DNASE2: variants seen among roughly 807,000 people sequenced by gnomAD.
The protein encoded by DNASE2 is deoxyribonuclease-2-alpha.
In DNASE2, 26 loss-of-function variants were observed where a neutral mutation model predicts 29.8. The observed-to-expected ratio is 0.87, with a 90% CI of 0.64 to 1.21. The LOEUF is 1.21. Among genes scored for constraint, DNASE2 ranks in the 50% most tolerant of loss-of-function variants. The probability of loss-of-function intolerance (pLI) is 0.00; values close to 1 mark genes in which losing one functional copy is unlikely to be tolerated. For synonymous variants in DNASE2, 186 were observed against 193.5 expected (o/e 0.96, Z 0.32); for missense variants, 415 against 455.6 (o/e 0.91, Z 0.81).
rs1419697829 is a variant in DNASE2, at chr19:12,878,460, A to G, written c.631T>C (p.Trp211Arg). Residue 211 changes from tryptophan (W) to arginine (R), a missense_variant, in exon 5 of 6, where the codon TGG (tryptophan) becomes CGG (arginine). Coordinates refer to ENST00000222219, the MANE Select transcript of DNASE2 (RefSeq NM_001375.3). ...VKGHHVSQEP[W>R]NSSITLTSQA... ...GATGTGAGTGTGATGCTGCTGTTCCAGGGTTCTTGGCTAACGTGGTGGCCC... is the reference window on the plus strand; with the variant it reads ...GATGTGAGTGTGATGCTGCTGTTCCGGGGTTCTTGGCTAACGTGGTGGCCC... 3 of 1,613,988 alleles carry G rather than the reference A, an allele frequency of 1.9e-6. No homozygotes were observed.
At position 12,876,058 on chromosome 19, in the gene DNASE2, G is replaced by T. The variant is rs1465601044; in HGVS notation, c.1015C>A (p.Pro339Thr). 6 of 1,614,048 alleles carry T rather than the reference G, an allele frequency of 3.7e-6. No individual in the cohort carries two copies. The highest frequency in any genetic ancestry group is 5.1e-6 in the Non-Finnish European group (6 of 1,180,010). Residue 339 changes from proline to threonine, a missense_variant, in exon 6 of 6, where the codon CCG becomes ACG. Coordinates refer to ENST00000222219, the MANE Select transcript of DNASE2 (RefSeq NM_001375.3). ...QLPALWKAFQ[P>T]LVKNYQPCNG... ...CAGGGCTGGTAGTTCTTCACCAGCGGCTGGAAGGCTTTCCAGAGGGCTGGC... is the reference window on the plus strand; with the variant it reads ...CAGGGCTGGTAGTTCTTCACCAGCGTCTGGAAGGCTTTCCAGAGGGCTGGC...
Position 12,876,077 on chromosome 19 carries a change from G to A in DNASE2, c.996C>T (p.Ala332=), listed in dbSNP as rs377651591. 14 of 1,613,834 alleles carry A rather than the reference G, an allele frequency of 8.7e-6. No homozygotes were observed. The highest frequency in any genetic ancestry group is 7.7e-5 in the South Asian group (7 of 91,086). The change falls in exon 6 of 6, where the codon GCC becomes GCT. Residue 332 remains alanine, a synonymous_variant. Transcript: ENST00000222219. ...GGGTLCAQLP[A]LWKAFQPLVK... ...CCAGCGGCTGGAAGGCTTTCCAGAGGGCTGGCAGCTGGGCACACAGTGTGC... is the reference window on the plus strand; with the variant it reads ...CCAGCGGCTGGAAGGCTTTCCAGAGAGCTGGCAGCTGGGCACACAGTGTGC...
intron 5 of DNASE2, 83 bp downstream of exon 5, chr19:12,878,299 C>T (rs538726271): frequency 1.2e-5 from 19 of 1,541,600 alleles, no homozygotes; most frequent in South Asian, 2.2e-5. Flanking sequence ...TGGTCTCTAC[C>T]GCTGACTTGA....
chr19:12,879,164 A>G (rs1970351861), intron 3 of DNASE2, among the ~76,000 whole-genome samples: 1 of 144,504 alleles, frequency 6.9e-6, no homozygotes, highest in African/African-American at 2.8e-5. Context: ...GTAAGTAAGT[A>G]AATAAATAAA....
Position 12,881,275 on chromosome 19 carries a change from C to T in DNASE2, c.86+15G>A. ...GGACCCCGGGGCGATGGTAGGCCCC[C>T]CGCTGCGCACTCACCAGTCTACAGG... On this transcript the variant is annotated intron_variant, in intron 1 of 5. Transcript: ENST00000222219. 1 of 1,580,652 alleles carries T rather than the reference C, an allele frequency of 6.3e-7. No individual in the cohort carries two copies. Among genetic ancestry groups the T allele is most frequent in the Non-Finnish European group, 8.6e-7 (1 of 1,164,172 alleles).
intron 4 of DNASE2, 33 bp from the exon 5 acceptor site, chr19:12,878,612 C>T (rs1016647190): frequency 1.1e-5 from 18 of 1,613,848 alleles, no homozygotes; most frequent in Middle Eastern, 1.7e-4. Flanking sequence ...AATGCAAGAT[C>T]GTTCCAGGTT....
At chr19:12,880,521 G>C (rs971060578) in intron 3 of DNASE2, among the ~76,000 whole-genome samples, 1 of 152,008 alleles carries the variant, frequency 6.6e-6, no homozygotes, top group Admixed American at 6.6e-5. Flanking sequence ...AGCCTGGTGT[G>C]ATGGTGCGCC....
At position 12,876,779 on chromosome 19, in the gene DNASE2, G is replaced by A. The variant is rs556242240; in HGVS notation, c.710-416C>T. On this transcript the variant is annotated intron_variant, in intron 5 of 5. Coordinates refer to ENST00000222219, the MANE Select transcript of DNASE2 (RefSeq NM_001375.3). ...AGTTTCCATATTTCTGAGCTCAGTT[G>A]TCAATTCCCAGTCCTGGGAATGATG... 2.0e-5 allele frequency among the ~76,000 whole-genome samples: 3 copies of A among 151,838 alleles called. No individual in the cohort carries two copies. The East Asian group carries it at 5.9e-4, about 30-fold the overall frequency.
chr19:12,879,162 G>GTAAGTAAGTAAATAAA (rs1490597124), intron 3 of DNASE2, among the ~76,000 whole-genome samples: 1 of 145,342 alleles, frequency 6.9e-6, no homozygotes, highest in South Asian at 2.1e-4. Flanking sequence ...AAGTAAGTAA[G>GTAAGTAAGTAAATAAA]TAAATAAATA....
chr19:12,878,552 C>T lies in DNASE2; in HGVS notation c.539G>A (p.Trp180Ter). 2 of 1,614,062 alleles carry T rather than the reference C, an allele frequency of 1.2e-6. No individual in the cohort carries two copies. Among genetic ancestry groups the T allele is most frequent in the South Asian group, 2.2e-5 (2 of 91,066 alleles). The part of the protein sequence containing the change: ...MGKQLTYTYP[W>*]VYNYQLEGIF... Reference sequence around the variant, plus strand: ...CCCTTCCAGCTGGTAGTTATAGACCCAGGGGTAGGTGTAGGTCAGCTGCTT... The same window carrying T: ...CCCTTCCAGCTGGTAGTTATAGACCTAGGGGTAGGTGTAGGTCAGCTGCTT... Residue 180 changes from tryptophan to a stop codon, truncating the protein, a stop_gained, in exon 5 of 6, where the codon TGG becomes TAG. Transcript: ENST00000222219. LOFTEE classifies it high-confidence loss of function.
chr19:12,877,912 T>G, intron 5 of DNASE2: 1 of 286,132 alleles, frequency 3.5e-6, no homozygotes, highest in East Asian at 9.1e-5. Flanking sequence ...GTGGAGTCAT[T>G]ATAGCTCACT....
Position 12,875,773 on chromosome 19 carries a change from ATGATCTCCC to A in DNASE2, c.*208_*216del. On this transcript the variant is annotated 3_prime_UTR_variant, in exon 6 of 6. Transcript: ENST00000222219. ...GGCGTAATCATAGTTCACTGTGACC[ATGATCTCCC>A]TGGTTCAATCGATCCTCTGGCTTCA... is the stretch of plus-strand genomic sequence containing the variant. 1 of 484,168 alleles carries A rather than the reference ATGATCTCCC, an allele frequency of 2.1e-6. No individual in the cohort carries two copies. The highest frequency in any genetic ancestry group is 3.9e-5 in the East Asian group (1 of 25,376). The allele number at this position is 484,168 out of a possible 1,614,324, so 30.0% of individuals were successfully genotyped here.
At chr19:12,879,004 G>A (rs1262998083) in intron 3 of DNASE2, among the ~76,000 whole-genome samples, 170 bp from the exon 4 acceptor site, 3 of 151,564 alleles carry the variant, frequency 2.0e-5, no homozygotes, top group South Asian at 2.1e-4. Flanking sequence ...TTAGCTGAGC[G>A]TGGTGGTGGA....
intron 3 of DNASE2, among the ~76,000 whole-genome samples, chr19:12,880,401 C>T (rs927133298): frequency 2.0e-5 from 3 of 151,910 alleles, no homozygotes; most frequent in Non-Finnish European, 4.4e-5. Flanking sequence ...CCTGTAATCC[C>T]AGCACTTTGG....
chr19:12,880,164 G>T (rs1464250282), intron 3 of DNASE2, among the ~76,000 whole-genome samples: 1 of 151,608 alleles, frequency 6.6e-6, no homozygotes, highest in Non-Finnish European at 1.5e-5. Flanking sequence ...CCCAGTACTT[G>T]GGAGGCTGAG....
chr19:12,881,121 C>G lies in DNASE2; in HGVS notation c.118G>C (p.Gly40Arg). 3 of 1,611,952 alleles carry G rather than the reference C, an allele frequency of 1.9e-6. No individual in the cohort carries two copies. The highest frequency in any genetic ancestry group is 2.5e-6 in the Non-Finnish European group (3 of 1,179,996). Reference sequence around the variant, plus strand: ...CCTCTCTGCGCCGCCTCCCCGGACCCTCTAAGAGCTGGCAGCTTGTAGACC... The same window carrying G: ...CCTCTCTGCGCCGCCTCCCCGGACCGTCTAAGAGCTGGCAGCTTGTAGACC... ...FVVYKLPALR[G>R]SGEAAQRGLQ... The change falls in exon 2 of 6, where the codon GGG becomes CGG. Residue 40 changes from glycine to arginine, a missense_variant. Coordinates refer to ENST00000222219, the MANE Select transcript of DNASE2 (RefSeq NM_001375.3).
chr19:12,877,868 C>T (rs918297131), intron 5 of DNASE2, among the ~76,000 whole-genome samples: 1 of 151,860 alleles, frequency 6.6e-6, no homozygotes, highest in Admixed American at 6.6e-5. Flanking sequence ...TAAATAAAGA[C>T]AGGGTCTTGC....
At position 12,881,294 on chromosome 19, in the gene DNASE2, C is replaced by A. The variant is rs1169808435; in HGVS notation, c.82G>T (p.Asp28Tyr). 6.3e-7 allele frequency: 1 copy of A among 1,575,424 alleles called. No individual in the cohort carries two copies. The highest frequency in any genetic ancestry group is 8.6e-7 in the Non-Finnish European group (1 of 1,161,352). Reference sequence around the variant, plus strand: ...GGCCCCCCGCTGCGCACTCACCAGTCTACAGGCTGCCCGGAGTCCCCGTAG... The same window carrying A: ...GGCCCCCCGCTGCGCACTCACCAGTATACAGGCTGCCCGGAGTCCCCGTAG... The part of the protein sequence containing the change: ...TCYGDSGQPV[D>Y]WFVVYKLPAL... Residue 28 changes from aspartate to tyrosine, a missense_variant, in exon 1 of 6, where the codon GAC becomes TAC. Transcript: ENST00000222219.
chr19:12,875,848 C>T lies in DNASE2; in HGVS notation c.*142G>A. 1 of 1,131,064 alleles carries T rather than the reference C, an allele frequency of 8.8e-7. No individual in the cohort carries two copies. Among genetic ancestry groups the T allele is most frequent in the Non-Finnish European group, 1.2e-6 (1 of 810,090 alleles). 70.1% of individuals were successfully genotyped at this position (1,131,064 alleles called of 1,614,324 possible). On this transcript the variant is annotated 3_prime_UTR_variant, in exon 6 of 6. Coordinates refer to ENST00000222219, the MANE Select transcript of DNASE2 (RefSeq NM_001375.3). ...GGCATTTATCACCGTGCCTGGCTAA[C>T]TTTTTTTAAGTTCTAGTAGAGATGT...
Sources: allele counts gnomAD v4.1 joint callset (sites outside exome capture counted in the v4.1 genomes callset), GRCh38; gene constraint gnomAD v4.1.1; transcripts MANE v1.5; gene names NCBI Gene and HGNC (gene_info 2026-07-23, HGNC 2026-07-21).